The following HSPA12A variants were observed in gnomAD, a reference collection of about 807,000 sequenced individuals.
HSPA12A encodes the protein heat shock 70 kDa protein 12A.
In HSPA12A, 28 loss-of-function variants were observed where a neutral mutation model predicts 69.2. The ratio of observed to expected loss-of-function variants is 0.40; its 90% CI spans 0.30 to 0.55. The LOEUF (loss-of-function observed/expected upper bound fraction) is 0.55, where lower values mean the gene tolerates loss of function less well. HSPA12A is among the 20% of genes least tolerant of loss of function. The pLI, the probability that HSPA12A is intolerant of heterozygous loss-of-function variation, is 0.38. For synonymous variants in HSPA12A, 345 were observed against 370.5 expected (o/e 0.93, Z 0.79); for missense variants, 686 against 900.7 (o/e 0.76, Z 3.05).
Position 116,730,416 on chromosome 10 carries a change from G to A in HSPA12A, c.40+12014C>T, listed in dbSNP as rs190462611. Among the ~76,000 whole-genome samples the A allele has an allele frequency of 2.8e-3, 424 of 152,288 alleles. 4 individuals carry two copies. The highest frequency in any genetic ancestry group is 5.6e-4 in the Non-Finnish European group (38 of 68,024). ...AGGACTTTCTAACTGAGCTAAGCCC[G>A]TTTCACTCTACCAAGTGCCCATCCA... On this transcript the variant is annotated intron_variant, in intron 1 of 11. Transcript: ENST00000369209.
At chr10:116,769,480 G>GC (rs1162377388) in intron 2 of HSPA12A, among the ~76,000 whole-genome samples, 3 of 152,178 alleles carry the variant, frequency 2.0e-5, no homozygotes, top group Non-Finnish European at 4.4e-5. Flanking sequence ...GAGGGCTGGG[G>GC]CCCGGGGTGG....
At chr10:116,692,578 G>A in intron 5 of HSPA12A, 111 bp from the exon 6 acceptor site, 1 of 770,148 alleles carries the variant, frequency 1.3e-6, no homozygotes, top group Non-Finnish European at 2.2e-6. Context: ...TCAGGAGCCA[G>A]TTTCAGGGTC....
chr10:116,793,160 A>C (rs1230645107), intron 2 of HSPA12A, among the ~76,000 whole-genome samples: 1 of 152,256 alleles, frequency 6.6e-6, no homozygotes, highest in Non-Finnish European at 1.5e-5. Context: ...AACTACAATA[A>C]AGGAAACTCT....
At position 116,674,743 on chromosome 10, in the gene HSPA12A, A is replaced by G. The variant is rs1589615563; in HGVS notation, c.*38T>C. On this transcript the variant is annotated 3_prime_UTR_variant, in exon 12 of 12. Transcript: ENST00000369209. Reference sequence around the variant, plus strand: ...AAGGTTGAGGTCAGCAGATGCAGATAAGTTGAGTCCAAGGGGACAGGCAGC... The same window carrying G: ...AAGGTTGAGGTCAGCAGATGCAGATGAGTTGAGTCCAAGGGGACAGGCAGC... The G allele has an allele frequency of 3.2e-6, 5 of 1,571,930 alleles. No individual in the cohort carries two copies. The highest frequency in any genetic ancestry group is 4.3e-6 in the Non-Finnish European group (5 of 1,159,594).
intron 2 of HSPA12A, among the ~76,000 whole-genome samples, chr10:116,786,249 G>A (rs1442211479): frequency 6.6e-6 from 1 of 152,180 alleles, no homozygotes; most frequent in Non-Finnish European, 1.5e-5. Context: ...GACTGTTTAT[G>A]TTATGGATCA....
At chr10:116,756,386 A>T (rs1843851036) in intron 2 of HSPA12A, among the ~76,000 whole-genome samples, 1 of 152,256 alleles carries the variant, frequency 6.6e-6, no homozygotes, top group African/African-American at 2.4e-5. Flanking sequence ...TCCAGCAAAT[A>T]CTTGATTCGA....
chr10:116,829,084 C>T (rs1360205450), intron 2 of HSPA12A: 1 of 152,150 alleles, frequency 6.6e-6, no homozygotes, highest in African/African-American at 2.4e-5. Flanking sequence ...CCAAATCTCA[C>T]CTTGAATTGT....
At chr10:116,811,411 C>T (rs1845179900) in intron 2 of HSPA12A, among the ~76,000 whole-genome samples, 1 of 152,090 alleles carries the variant, frequency 6.6e-6, no homozygotes, top group Admixed American at 6.5e-5. Context: ...GCCATCTACA[C>T]TCAGACCCTC....
chr10:116,829,395 G>A (rs1349289418), intron 2 of HSPA12A: 1 of 152,426 alleles, frequency 6.6e-6, no homozygotes, highest in African/African-American at 2.4e-5. Flanking sequence ...CGCGAGAACA[G>A]ACTAATGGAT....
At chr10:116,746,159 G>A (rs547090231), upstream of HSPA12A, among the ~76,000 whole-genome samples, 8 of 152,096 alleles carry the variant, frequency 5.3e-5, no homozygotes, top group East Asian at 9.7e-4. Context: ...CCCCACACAC[G>A]CTTCCCTGCC....
chr10:116,819,286 C>G (rs1236906584), intron 2 of HSPA12A, among the ~76,000 whole-genome samples: 1 of 152,184 alleles, frequency 6.6e-6, no homozygotes, highest in Non-Finnish European at 1.5e-5. Context: ...TCCCTGGGTC[C>G]CCTGACCCCT....
intron 2 of HSPA12A, among the ~76,000 whole-genome samples, chr10:116,779,875 C>G (rs1019702275): frequency 3.3e-5 from 5 of 152,092 alleles, no homozygotes; most frequent in Admixed American, 3.3e-4. Flanking sequence ...CCCCGCACCC[C>G]GACTCCATGT....
intron 10 of HSPA12A, among the ~76,000 whole-genome samples, chr10:116,676,873 T>C (rs914416094): frequency 6.6e-6 from 1 of 152,212 alleles, no homozygotes; most frequent in Admixed American, 6.5e-5. Flanking sequence ...GCGAGTTTAT[T>C]GTACTGCTAC....
At chr10:116,777,182 C>T (rs782423450) in intron 2 of HSPA12A, among the ~76,000 whole-genome samples, 6 of 152,176 alleles carry the variant, frequency 3.9e-5, no homozygotes, top group African/African-American at 1.2e-4. Context: ...AAGTTCTTGC[C>T]GCGTGGCACT....
chr10:116,820,322 C>A (rs978727967), intron 2 of HSPA12A, among the ~76,000 whole-genome samples: 3 of 152,010 alleles, frequency 2.0e-5, no homozygotes, highest in African/African-American at 7.2e-5. Flanking sequence ...TTTTTAGGGA[C>A]CATGATGGGG....
intron 2 of HSPA12A, among the ~76,000 whole-genome samples, chr10:116,782,442 A>T (rs1030181649): frequency 6.6e-6 from 1 of 152,192 alleles, no homozygotes; most frequent in Non-Finnish European, 1.5e-5. Flanking sequence ...CAAAATCGGG[A>T]GAGGGAGTTG....
intron 3 of HSPA12A, among the ~76,000 whole-genome samples, chr10:116,701,735 G>C (rs1850082691): frequency 6.6e-6 from 1 of 152,188 alleles, no homozygotes; most frequent in South Asian, 2.1e-4. Context: ...TGAAGTGACT[G>C]CGTTGGTTGG....
At position 116,686,494 on chromosome 10, in the gene HSPA12A, G is replaced by A. The variant is rs371354074; in HGVS notation, c.664-2532C>T. Among the ~76,000 whole-genome samples, 14 of 152,326 alleles carry A rather than the reference G, an allele frequency of 9.2e-5. No individual in the cohort carries two copies. Among genetic ancestry groups the A allele is most frequent in the South Asian group, 2.1e-4 (1 of 4,826 alleles). On this transcript the variant is annotated intron_variant, in intron 6 of 11. Transcript: ENST00000369209. The surrounding 1 kb of genome is among the most constrained non-coding windows in gnomAD (Gnocchi z 4.1). ...AAGTTCAAACTTGAAAATAAACTGG[G>A]GATGGCAGTAGACCCATGAGTGGAG...
chr10:116,680,692 G>GA (rs1303194471), intron 9 of HSPA12A, among the ~76,000 whole-genome samples: 3 of 152,160 alleles, frequency 2.0e-5, no homozygotes, highest in African/African-American at 7.2e-5. Flanking sequence ...CATCATGTTG[G>GA]CCATGCTGGT....
Sources: gnomAD v4.1 joint callset for allele counts (sites outside exome capture counted in the v4.1 genomes callset) on GRCh38, gnomAD v4.1.1 for gene constraint, Gnocchi (gnomAD v3.1) non-coding constraint, MANE v1.5 for transcripts, NCBI Gene and HGNC (gene_info 2026-07-23, HGNC 2026-07-21) for gene names.